Variants in VAMP4 observed in about 807,000 individuals in gnomAD.
The protein encoded by VAMP4 is vesicle-associated membrane protein 4.
A neutral mutation model predicts 23.5 loss-of-function variants in VAMP4; 19 were observed. The observed-to-expected ratio is 0.81, with a 90% CI of 0.56 to 1.19. The LOEUF is 1.19. VAMP4 is among the 50% of genes most tolerant of loss of function. The pLI is 0.00. For missense variants in VAMP4, 145 were observed against 168.6 expected, an observed-to-expected ratio of 0.86 and a Z score of 0.78; for synonymous variants, 31 against 51.0, an observed-to-expected ratio of 0.61 and a Z score of 1.67.
intron 6 of VAMP4, among the ~76,000 whole-genome samples, 197 bp downstream of exon 6, chr1:171,709,468 G>A (rs924115469): frequency 6.6e-6 from 1 of 151,840 alleles, no homozygotes; most frequent in Non-Finnish European, 1.5e-5. Context: ...ATCCTTTTAG[G>A]CATACTGATT....
At chr1:171,708,866 C>CT (rs1654752681) in intron 6 of VAMP4, among the ~76,000 whole-genome samples, 1 of 117,600 alleles carries the variant, frequency 8.5e-6, no homozygotes, top group Admixed American at 9.6e-5. Flanking sequence ...GAGCAAAACT[C>CT]TATCTCAAAG....
At chr1:171,707,570 G>A (rs187015613) in intron 6 of VAMP4, among the ~76,000 whole-genome samples, 5 of 152,256 alleles carry the variant, frequency 3.3e-5, no homozygotes, top group Admixed American at 3.3e-4. Flanking sequence ...CAGGGAGGCT[G>A]CCCCAGATGA....
chr1:171,738,962 T>C (rs1017122787), intron 1 of VAMP4, among the ~76,000 whole-genome samples: 2 of 152,252 alleles, frequency 1.3e-5, no homozygotes, highest in Non-Finnish European at 2.9e-5. Flanking sequence ...TAATGTCCCA[T>C]TGGTACTCCA....
chr1:171,712,509 T>C (rs772190620), intron 4 of VAMP4, among the ~76,000 whole-genome samples: 2 of 152,136 alleles, frequency 1.3e-5, no homozygotes, highest in Non-Finnish European at 2.9e-5. Flanking sequence ...GTTAAAAGCA[T>C]TATGTACACC....
intron 3 of VAMP4, among the ~76,000 whole-genome samples, chr1:171,723,986 G>A (rs1354966659): frequency 2.6e-5 from 4 of 152,004 alleles, no homozygotes; most frequent in Non-Finnish European, 5.9e-5. Flanking sequence ...TTCCCACAAC[G>A]GATTATAAAT....
intron 5 of VAMP4, among the ~76,000 whole-genome samples, chr1:171,710,060 A>G (rs1460926348): frequency 6.6e-6 from 1 of 152,154 alleles, no homozygotes; most frequent in Non-Finnish European, 1.5e-5. Context: ...AATACTCTTT[A>G]AAAATTCAAA....
intron 1 of VAMP4, among the ~76,000 whole-genome samples, chr1:171,739,250 A>G (rs1206814971): frequency 1.3e-5 from 2 of 152,192 alleles, no homozygotes; most frequent in Non-Finnish European, 2.9e-5. Context: ...CTGATTTCTA[A>G]TAGCCAATGA....
intron 4 of VAMP4, 93 bp from the exon 5 acceptor site, chr1:171,710,907 T>A (rs1654828599): frequency 1.2e-6 from 1 of 866,788 alleles, no homozygotes; most frequent in Non-Finnish European, 1.7e-6. Context: ...GAATAGCAAA[T>A]TCTCAGAGAA....
chr1:171,719,605 G>A (rs773708737), intron 3 of VAMP4, among the ~76,000 whole-genome samples: 1 of 151,968 alleles, frequency 6.6e-6, no homozygotes, highest in Non-Finnish European at 1.5e-5. Context: ...AACTAAAAGC[G>A]CAATTCATCT....
At chr1:171,722,267 A>C (rs1182623000) in intron 3 of VAMP4, among the ~76,000 whole-genome samples, 1 of 152,236 alleles carries the variant, frequency 6.6e-6, no homozygotes, top group African/African-American at 2.4e-5. Flanking sequence ...AGATGGATTA[A>C]AGACTTAAAT....
At chr1:171,720,969 C>A (rs914722968) in intron 3 of VAMP4, among the ~76,000 whole-genome samples, 4 of 151,964 alleles carry the variant, frequency 2.6e-5, no homozygotes, top group African/African-American at 9.7e-5. Context: ...TACATGATGA[C>A]CAAGTAGGGT....
chr1:171,720,535 G>T (rs61638755), intron 3 of VAMP4, among the ~76,000 whole-genome samples: 8,903 of 151,974 alleles, frequency 0.059, 339 homozygotes, highest in East Asian at 0.24. Flanking sequence ...TAACAGGAAT[G>T]GAAGAGTGAA....
At chr1:171,723,729 G>T (rs1474387913) in intron 3 of VAMP4, among the ~76,000 whole-genome samples, 1 of 152,160 alleles carries the variant, frequency 6.6e-6, no homozygotes, top group Non-Finnish European at 1.5e-5. Flanking sequence ...TACATCCTCA[G>T]CTTACGAAGA....
At chr1:171,738,818 C>G (rs370592976) in intron 1 of VAMP4, among the ~76,000 whole-genome samples, 1 of 152,106 alleles carries the variant, frequency 6.6e-6, no homozygotes, top group South Asian at 2.1e-4. Flanking sequence ...GGAGAACATG[C>G]CTATTTCTCT....
chr1:171,718,276 A>G (rs1272186561), intron 4 of VAMP4, among the ~76,000 whole-genome samples: 1 of 152,170 alleles, frequency 6.6e-6, no homozygotes, highest in Admixed American at 6.6e-5. Context: ...TATCTCACCA[A>G]TAACTAGATA....
chr1:171,721,373 G>A (rs1391668404), intron 3 of VAMP4, among the ~76,000 whole-genome samples: 2 of 152,068 alleles, frequency 1.3e-5, no homozygotes, highest in African/African-American at 4.8e-5. Flanking sequence ...GTCTTTATTT[G>A]CAGAAAGCAT....
rs1654510762 is a variant in VAMP4 at position 171,703,304 on chromosome 1, T to TAAC, written c.*1199_*1201dup. 6.6e-6 allele frequency: 1 copy of TAAC among 150,834 alleles called. No homozygotes were observed. Among genetic ancestry groups the TAAC allele is most frequent in the South Asian group, 2.1e-4 (1 of 4,768 alleles). 9.3% of individuals were successfully genotyped at this position (150,834 alleles called of 1,614,324 possible). A position where few individuals can be genotyped will look rare whatever the true frequency, so the allele number is the denominator to read the frequency against. The stretch of plus-strand genomic sequence containing the variant: ...CAAGGAGGTTGGCATATTTTAAAGT[T>TAAC]AACACATTTTTTCATTATAAAAACA... On this transcript the variant is annotated 3_prime_UTR_variant, in exon 8 of 8. Transcript: ENST00000236192.
chr1:171,710,165 A>C (rs1654802482), intron 5 of VAMP4, among the ~76,000 whole-genome samples: 1 of 151,806 alleles, frequency 6.6e-6, no homozygotes, highest in South Asian at 2.1e-4. Context: ...AACAATATAC[A>C]TTTTAAATGT....
At chr1:171,719,384 G>A (rs1655119017) in intron 3 of VAMP4, among the ~76,000 whole-genome samples, 163 bp from the exon 4 acceptor site, 1 of 152,068 alleles carries the variant, frequency 6.6e-6, no homozygotes, top group Non-Finnish European at 1.5e-5. Context: ...TGGTGAAACT[G>A]AATAATAGGT....
Sources: gnomAD v4.1 joint callset for allele counts (sites outside exome capture counted in the v4.1 genomes callset) on GRCh38, gnomAD v4.1.1 for gene constraint, MANE v1.5 for transcripts, NCBI Gene and HGNC (gene_info 2026-07-23, HGNC 2026-07-21) for gene names.